Variants in PRDM2 observed in about 807,000 individuals in gnomAD.
PRDM2 encodes PR/SET domain 2.
In PRDM2, 30 loss-of-function variants were observed where a neutral mutation model predicts 130.0. That is an observed-to-expected ratio of 0.23 (90% CI 0.17 to 0.31). The LOEUF (loss-of-function observed/expected upper bound fraction) is 0.31, where lower values mean the gene tolerates loss of function less well. Ranked by LOEUF, PRDM2 falls within the 10% of genes least tolerant of loss-of-function variation. The probability of loss-of-function intolerance (pLI) is 1.00; values close to 1 mark genes in which losing one functional copy is unlikely to be tolerated. For synonymous variants in PRDM2, 871 were observed against 782.4 expected (o/e 1.11, Z -1.89); for missense variants, 2,011 against 2,108.4 (o/e 0.95, Z 0.90).
At chr1:13,776,473 A>G (rs1370251447) in intron 7 of PRDM2, among the ~76,000 whole-genome samples, 2 of 152,192 alleles carry the variant, frequency 1.3e-5, no homozygotes, top group Non-Finnish European at 2.9e-5. Context: ...TTCCGTCTTT[A>G]AGAATCCCCT....
intron 9 of PRDM2, among the ~76,000 whole-genome samples, chr1:13,817,306 A>G (rs1645273083): frequency 6.6e-6 from 1 of 152,234 alleles, no homozygotes; most frequent in African/African-American, 2.4e-5. Context: ...CAGACAAGGG[A>G]TATGTAATCT....
chr1:13,807,696 G>C (rs571051025), intron 8 of PRDM2, among the ~76,000 whole-genome samples: 1 of 152,320 alleles, frequency 6.6e-6, no homozygotes, highest in East Asian at 1.9e-4. Context: ...ATGACTGAAT[G>C]AAAGAATGAA....
In PRDM2 at chr1:13,781,087, A is replaced by T; in HGVS notation, c.3292A>T (p.Ile1098Leu). Residue 1098 changes from isoleucine (I) to leucine (L), a missense_variant, in exon 8 of 10, where the codon ATA becomes TTA. Coordinates refer to ENST00000311066, the MANE Select transcript of PRDM2 (RefSeq NM_001393986.1). The surrounding 1 kb of genome is among the most constrained non-coding windows in gnomAD (Gnocchi z 6.1). ...GDNLEASLPM[I>L]SFKQEELENE... Reference sequence around the variant, plus strand: ...TAATCTGGAGGCTTCTCTCCCCATGATATCTTTCAAACAGGAGGAATTAGA... The same window carrying T: ...TAATCTGGAGGCTTCTCTCCCCATGTTATCTTTCAAACAGGAGGAATTAGA... 1 of 1,613,608 alleles carries T rather than the reference A, an allele frequency of 6.2e-7. No homozygotes were observed. Among genetic ancestry groups the T allele is most frequent in the Admixed American group, 1.7e-5 (1 of 60,006 alleles).
At chr1:13,708,737 A>G (rs1307969052) in intron 1 of PRDM2, among the ~76,000 whole-genome samples, 1 of 151,990 alleles carries the variant, frequency 6.6e-6, no homozygotes, top group East Asian at 1.9e-4. Context: ...TATATGATAT[A>G]CTCTGTGTTA....
At chr1:13,790,009 G>A (rs1293702361) in intron 8 of PRDM2, among the ~76,000 whole-genome samples, 1 of 152,172 alleles carries the variant, frequency 6.6e-6, no homozygotes, top group Non-Finnish European at 1.5e-5. Context: ...GTGTGGATGG[G>A]CCATTCTGCT....
chr1:13,819,232 A>C (rs1645308136), intron 9 of PRDM2, among the ~76,000 whole-genome samples: 1 of 152,252 alleles, frequency 6.6e-6, no homozygotes, highest in Admixed American at 6.5e-5. Context: ...TGGCCACTGC[A>C]GGCTTGGCCA....
intron 2 of PRDM2, among the ~76,000 whole-genome samples, chr1:13,716,483 G>A (rs1236310639): frequency 6.6e-6 from 1 of 152,110 alleles, no homozygotes; most frequent in Non-Finnish European, 1.5e-5. Flanking sequence ...AGGATTAAAA[G>A]TTATTTATAG....
chr1:13,805,824 C>T (rs1645077148), intron 8 of PRDM2, among the ~76,000 whole-genome samples: 1 of 152,180 alleles, frequency 6.6e-6, no homozygotes, highest in Admixed American at 6.5e-5. Context: ...GCAGAGATCC[C>T]AGCCCAGGAT....
At chr1:13,743,214 A>G (rs1341480267) in intron 5 of PRDM2, among the ~76,000 whole-genome samples, 3 of 152,060 alleles carry the variant, frequency 2.0e-5, no homozygotes, top group East Asian at 3.9e-4. Flanking sequence ...CCTGGCTAAC[A>G]TGGTGAAACC....
Position 13,782,214 on chromosome 1 carries a change from C to T in PRDM2, c.4419C>T (p.His1473=), listed in dbSNP as rs147817954. ...EFTYIGSLNK[H]AAFSCPKKPL... ...CTTACATTGGAAGCCTGAATAAACACGCCGCCTTCAGCTGTCCCAAAAAAC... is the reference window on the plus strand; with the variant it reads ...CTTACATTGGAAGCCTGAATAAACATGCCGCCTTCAGCTGTCCCAAAAAAC... Residue 1473 remains histidine (H), a synonymous_variant, in exon 8 of 10, where the codon CAC becomes CAT. Transcript: ENST00000311066. 5.6e-5 allele frequency: 90 copies of T among 1,613,598 alleles called. No individual in the cohort carries two copies. The highest frequency in any genetic ancestry group is 3.3e-4 in the Middle Eastern group (2 of 6,062).
At chr1:13,793,486 C>T (rs1034132394) in intron 8 of PRDM2, among the ~76,000 whole-genome samples, 2 of 152,046 alleles carry the variant, frequency 1.3e-5, no homozygotes, top group South Asian at 2.1e-4. Context: ...AACTTGGGGA[C>T]GAGGCTGTTG....
chr1:13,752,016 C>T (rs1040326931), intron 6 of PRDM2, among the ~76,000 whole-genome samples: 2 of 151,864 alleles, frequency 1.3e-5, no homozygotes, highest in African/African-American at 2.4e-5. Context: ...TATTGAGCCC[C>T]TGCTGTGTAC....
At chr1:13,790,325 T>C (rs1235277462) in intron 8 of PRDM2, among the ~76,000 whole-genome samples, 3 of 152,170 alleles carry the variant, frequency 2.0e-5, no homozygotes, top group East Asian at 3.9e-4. Context: ...GTGGGCACTA[T>C]TGTTTTCCCG....
Position 13,749,399 on chromosome 1 carries a change from T to C in PRDM2, c.423T>C (p.Asn141=), listed in dbSNP as rs1384567439. The change falls in exon 6 of 10, where the codon AAT becomes AAC. Residue 141 remains asparagine, a synonymous_variant. Transcript: ENST00000311066. Reference sequence around the variant, plus strand: ...GCGAGGAGCTCCTGGTCTGGTACAATGGGGAAGACAACCCTGAGATAGCAG... The same window carrying C: ...GCGAGGAGCTCCTGGTCTGGTACAACGGGGAAGACAACCCTGAGATAGCAG... ...APGEELLVWY[N]GEDNPEIAAA... 1.3e-6 allele frequency: 2 copies of C among 1,499,866 alleles called. No homozygotes were observed. The highest frequency in any genetic ancestry group is 2.8e-5 in the East Asian group (1 of 35,554). The allele number at this position is 1,499,866 out of a possible 1,614,324, so 92.9% of individuals were successfully genotyped here.
chr1:13,815,318 G>C (rs561480232), intron 8 of PRDM2, among the ~76,000 whole-genome samples: 1 of 151,966 alleles, frequency 6.6e-6, no homozygotes, highest in Non-Finnish European at 1.5e-5. Flanking sequence ...CACCATGTTC[G>C]CCAGGCTGGT....
chr1:13,791,483 C>T (rs756709519), intron 8 of PRDM2, among the ~76,000 whole-genome samples: 1 of 152,188 alleles, frequency 6.6e-6, no homozygotes, highest in African/African-American at 2.4e-5. Flanking sequence ...GATCCTCAAG[C>T]ATCTCCTCAG....
rs192573625 is a variant in PRDM2, at chr1:13,813,554, A to C, written c.5037-2873A>C. On this transcript the variant is annotated intron_variant, in intron 8 of 9. Coordinates refer to ENST00000311066, the MANE Select transcript of PRDM2 (RefSeq NM_001393986.1). ...AAGTCTCCATATCCGTCTGAGCCTCAGTTTTCTCATCCGTGAAAGGGGTAT... is the reference window on the plus strand; with the variant it reads ...AAGTCTCCATATCCGTCTGAGCCTCCGTTTTCTCATCCGTGAAAGGGGTAT... Among the ~76,000 whole-genome samples the C allele has an allele frequency of 1.7e-3, 263 of 152,304 alleles. 1 individual carries two copies. Among genetic ancestry groups the C allele is most frequent in the Admixed American group, 3.1e-3 (48 of 15,306 alleles).
intron 1 of PRDM2, among the ~76,000 whole-genome samples, chr1:13,714,488 A>T (rs1642474568): frequency 6.6e-6 from 1 of 152,186 alleles, no homozygotes; most frequent in African/African-American, 2.4e-5. Flanking sequence ...CCTAACTTAA[A>T]TATAGTGCCT....
At chr1:13,821,163 T>TTAATAATAA (rs113961715) in intron 9 of PRDM2, among the ~76,000 whole-genome samples, 20,507 of 151,878 alleles carry the variant, frequency 0.14, 1,927 homozygotes, top group African/African-American at 0.25. Flanking sequence ...GCGAAATGGG[T>TTAATAATAA]TAATAATAAT....
Sources: gnomAD v4.1 joint callset for allele counts (sites outside exome capture counted in the v4.1 genomes callset) on GRCh38, gnomAD v4.1.1 for gene constraint, Gnocchi (gnomAD v3.1) non-coding constraint, MANE v1.5 for transcripts, NCBI Gene and HGNC (gene_info 2026-07-23, HGNC 2026-07-21) for gene names.